Variants in TRPM3 observed in about 807,000 individuals in gnomAD.
TRPM3 encodes transient receptor potential cation channel subfamily M member 3, also known as long transient receptor potential channel 3.
TRPM3 carries 77 observed loss-of-function variants against 181.2 expected under a neutral mutation model. The ratio of observed to expected loss-of-function variants is 0.42; its 90% CI spans 0.35 to 0.51. The LOEUF (loss-of-function observed/expected upper bound fraction) is 0.51, where lower values mean the gene tolerates loss of function less well. Ranked by LOEUF, TRPM3 falls within the 20% of genes least tolerant of loss-of-function variation. The pLI is 0.01. For synonymous variants in TRPM3, 745 were observed against 796.4 expected (o/e 0.94, Z 1.09); for missense variants, 1,759 against 2,196.7 (o/e 0.80, Z 3.98).
At chr9:71,246,788 CTT>C (rs958766617) in intron 1 of TRPM3, among the ~76,000 whole-genome samples, 9 of 152,212 alleles carry the variant, frequency 5.9e-5, no homozygotes, top group African/African-American at 2.2e-4. Flanking sequence ...TTATACGACA[CTT>C]TAATTAGTGC....
intron 9 of TRPM3, among the ~76,000 whole-genome samples, chr9:70,653,933 A>T (rs1262548329): frequency 1.3e-5 from 2 of 152,034 alleles, no homozygotes; most frequent in Admixed American, 1.3e-4. Context: ...CCTATATTGT[A>T]TGATTTGACC....
At chr9:70,576,358 T>G (rs963611995) in intron 22 of TRPM3, among the ~76,000 whole-genome samples, 3 of 152,138 alleles carry the variant, frequency 2.0e-5, no homozygotes, top group African/African-American at 7.2e-5. Context: ...AGCTGCAGAG[T>G]TGCCAATCCT....
intron 1 of TRPM3, among the ~76,000 whole-genome samples, chr9:71,144,012 T>C (rs1204348590): frequency 2.0e-5 from 3 of 152,160 alleles, no homozygotes; most frequent in African/African-American, 7.2e-5. Context: ...TTTAGTTAAT[T>C]GAGCTGCCTT....
chr9:71,273,693 A>T (rs1230130967), intron 1 of TRPM3, among the ~76,000 whole-genome samples: 1 of 152,182 alleles, frequency 6.6e-6, no homozygotes, highest in East Asian at 1.9e-4. Flanking sequence ...ATCAGTTTGG[A>T]ACTCTTTGGG....
At chr9:70,974,800 G>A (rs1461644101) in intron 1 of TRPM3, among the ~76,000 whole-genome samples, 1 of 149,498 alleles carries the variant, frequency 6.7e-6, no homozygotes, top group Non-Finnish European at 1.5e-5. Context: ...CAAAATTGGA[G>A]TTATTTACAC....
chr9:70,873,408 C>T (rs1009880409), intron 1 of TRPM3, among the ~76,000 whole-genome samples: 1 of 151,966 alleles, frequency 6.6e-6, no homozygotes, highest in African/African-American at 2.4e-5. Flanking sequence ...GTATGGTCAG[C>T]TCAGCATCTA....
intron 1 of TRPM3, among the ~76,000 whole-genome samples, chr9:71,045,413 C>T (rs1436471201): frequency 6.6e-6 from 1 of 152,156 alleles, no homozygotes; most frequent in East Asian, 1.9e-4. Flanking sequence ...AATGATTTCT[C>T]GGCCACACTG....
chr9:71,379,001 G>A (rs1171196545), intron 1 of TRPM3, among the ~76,000 whole-genome samples: 1 of 151,926 alleles, frequency 6.6e-6, no homozygotes, highest in African/African-American at 2.4e-5. Flanking sequence ...TACTAAAACA[G>A]TACACATTTT....
chr9:70,911,207 A>C (rs2133148101), intron 1 of TRPM3, among the ~76,000 whole-genome samples: 1 of 152,348 alleles, frequency 6.6e-6, no homozygotes, highest in South Asian at 2.1e-4. Context: ...AAATCATAGA[A>C]GTATGGTCCT....
At chr9:71,329,091 A>G (rs764819366) in intron 1 of TRPM3, among the ~76,000 whole-genome samples, 2 of 152,250 alleles carry the variant, frequency 1.3e-5, no homozygotes, top group African/African-American at 2.4e-5. Flanking sequence ...GATGAATAAG[A>G]TAAGGTAAGA....
chr9:71,012,012 G>A (rs1392045612), intron 1 of TRPM3, among the ~76,000 whole-genome samples: 1 of 151,846 alleles, frequency 6.6e-6, no homozygotes, highest in Non-Finnish European at 1.5e-5. Context: ...CGAATTCCTG[G>A]GCTCAAGCGA....
At chr9:70,624,997 C>T (rs2064279123) in intron 14 of TRPM3, among the ~76,000 whole-genome samples, 194 bp downstream of exon 14, 1 of 152,136 alleles carries the variant, frequency 6.6e-6, no homozygotes, top group Non-Finnish European at 1.5e-5. Flanking sequence ...AGACCCAAAA[C>T]CTGGAAAACT....
chr9:71,176,461 G>A (rs1322876282), intron 1 of TRPM3, among the ~76,000 whole-genome samples: 4 of 152,050 alleles, frequency 2.6e-5, no homozygotes, highest in African/African-American at 4.8e-5. Context: ...GTACAGCTAC[G>A]CAAACTGTTA....
intron 1 of TRPM3, among the ~76,000 whole-genome samples, chr9:71,338,823 C>T (rs2090756590): frequency 6.6e-6 from 1 of 152,106 alleles, no homozygotes; most frequent in African/African-American, 2.4e-5. Flanking sequence ...ACATTACTGG[C>T]ATTTCTGCTA....
At chr9:71,286,932 A>T (rs896840302) in intron 1 of TRPM3, among the ~76,000 whole-genome samples, 1 of 87,804 alleles carries the variant, frequency 1.1e-5, no homozygotes, top group African/African-American at 5.2e-5. Context: ...ATATACTTTT[A>T]TATATATATA....
chr9:70,827,755 G>A, intron 6 of TRPM3, 92 bp downstream of exon 6: 2 of 1,462,448 alleles, frequency 1.4e-6, no homozygotes, highest in Non-Finnish European at 9.3e-7. Flanking sequence ...ACTTGCTCAA[G>A]TTTTTATTAC....
intron 1 of TRPM3, among the ~76,000 whole-genome samples, chr9:71,037,669 C>T (rs1675268798): frequency 6.6e-6 from 1 of 152,218 alleles, no homozygotes; most frequent in Non-Finnish European, 1.5e-5. Flanking sequence ...CACTTCTTGG[C>T]TAACAGCCTG....
intron 1 of TRPM3, among the ~76,000 whole-genome samples, chr9:71,258,409 T>C (rs2082812881): frequency 6.6e-6 from 1 of 152,194 alleles, no homozygotes; most frequent in Admixed American, 6.5e-5. Context: ...AAAGTCCCCA[T>C]GAATTCTATT....
chr9:70,824,503 C>G (rs898967512), intron 6 of TRPM3: 1 of 152,078 alleles, frequency 6.6e-6, no homozygotes, highest in Non-Finnish European at 1.5e-5. Context: ...TCTCGGCTCA[C>G]TGCAACTTCC....
Sources: gnomAD v4.1 joint callset for allele counts (sites outside exome capture counted in the v4.1 genomes callset) on GRCh38, gnomAD v4.1.1 for gene constraint, MANE v1.5 for transcripts, NCBI Gene and HGNC (gene_info 2026-07-23, HGNC 2026-07-21) for gene names.